Variants in UNC45B observed in about 807,000 individuals in gnomAD.
UNC45B encodes the protein protein unc-45 homolog B.
A neutral mutation model predicts 98.7 loss-of-function variants in UNC45B; 78 were observed. The observed-to-expected ratio is 0.79, with a 90% CI of 0.66 to 0.95. The LOEUF (loss-of-function observed/expected upper bound fraction) is 0.95, where lower values mean the gene tolerates loss of function less well. UNC45B is among the 40% of genes least tolerant of loss of function. UNC45B has a pLI of 0.00. For synonymous variants in UNC45B, 462 were observed against 480.4 expected (o/e 0.96, Z 0.50); for missense variants, 1,225 against 1,184.9 (o/e 1.03, Z -0.50).
In UNC45B at chr17:35,177,459, C is replaced by T. The variant is rs756693415; in HGVS notation, c.2140-36C>T. 8.7e-6 allele frequency: 13 copies of T among 1,498,712 alleles called. 1 individual carries two copies. The South Asian group carries it at 1.6e-4, about 18-fold the overall frequency. 92.8% of individuals were successfully genotyped at this position (1,498,712 alleles called of 1,614,324 possible). ...ATGTGAGGCACTCAGGGAACAAAGT[C>T]CTCACCTGACCAAACCCTTGACCCC... On this transcript the variant is annotated intron_variant, in intron 16 of 19. Transcript: ENST00000394570.
intron 14 of UNC45B, 45 bp downstream of exon 14, chr17:35,174,414 G>T: frequency 6.2e-7 from 1 of 1,611,548 alleles, no homozygotes; most frequent in Non-Finnish European, 8.5e-7. Flanking sequence ...GCTGGGGGCC[G>T]AGGGTCCTGG....
chr17:35,148,111 T>A, intron 1 of UNC45B, 153 bp from the exon 2 acceptor site: 2 of 776,600 alleles, frequency 2.6e-6, no homozygotes, highest in Non-Finnish European at 4.1e-6. Context: ...GGGCAATAGA[T>A]TTGGGGGTTC....
intron 18 of UNC45B, 137 bp downstream of exon 18, chr17:35,180,813 C>T: frequency 1.7e-6 from 1 of 595,054 alleles, no homozygotes; most frequent in South Asian, 2.2e-5. Context: ...CCAGGAATCC[C>T]TAAATATTTC....
rs1473500160 is a variant in UNC45B at position 35,155,474 on chromosome 17, A to T, written c.808+10A>T. On this transcript the variant is annotated intron_variant, in intron 7 of 19. Coordinates refer to ENST00000394570, the MANE Select transcript of UNC45B (RefSeq NM_001267052.2). ...GAGGCCCTGGTTCTAGGTAGGAAAC[A>T]TTCTTCAGTTTTGATTCAAGGGGAT... 1 of 1,613,172 alleles carries T rather than the reference A, an allele frequency of 6.2e-7. No individual in the cohort carries two copies. Among genetic ancestry groups the T allele is most frequent in the Non-Finnish European group, 8.5e-7 (1 of 1,179,434 alleles).
intron 19 of UNC45B, among the ~76,000 whole-genome samples, chr17:35,185,289 G>GT (rs966048658): frequency 2.3e-4 from 34 of 147,102 alleles, no homozygotes; most frequent in Admixed American, 1.4e-3. Context: ...TTGCATTGGT[G>GT]TTTTTTTTTA....
chr17:35,154,696 T>C lies in UNC45B; in HGVS notation c.594T>C (p.Ala198=). The C allele has an allele frequency of 6.2e-7, 1 of 1,611,472 alleles. No individual in the cohort carries two copies. The change falls in exon 6 of 20, where the codon GCT becomes GCC. Residue 198 remains alanine, a synonymous_variant. Transcript: ENST00000394570. ...CTAAGAAGCCTGAGCTGGTGCTGGC[T>C]GCAGTGCGGACCCTGTCGGGCATGT... The part of the protein sequence containing the change: ...LDTKKPELVL[A]AVRTLSGMCS...
At position 35,187,785 on chromosome 17, in the gene UNC45B, C is replaced by T. The variant is rs2092312733; in HGVS notation, c.*1226C>T. 6.6e-6 allele frequency: 1 copy of T among 152,238 alleles called. No homozygotes were observed. Among genetic ancestry groups the T allele is most frequent in the South Asian group, 2.1e-4 (1 of 4,838 alleles). 9.4% of individuals were successfully genotyped at this position (152,238 alleles called of 1,614,324 possible). On this transcript the variant is annotated 3_prime_UTR_variant, in exon 20 of 20. Transcript: ENST00000394570. ...AGTAATATGCTGTAGATCAGAACCT[C>T]TCTGCTAATATTGCCTTTTTAGCAT...
intron 5 of UNC45B, among the ~76,000 whole-genome samples, chr17:35,153,710 G>C (rs1429597782): frequency 6.7e-6 from 1 of 149,568 alleles, no homozygotes; most frequent in African/African-American, 2.5e-5. Context: ...TTGTTTATTT[G>C]GTTTTTTTTT....
At chr17:35,172,512 G>A (rs1293599312) in intron 13 of UNC45B, among the ~76,000 whole-genome samples, 2 of 152,208 alleles carry the variant, frequency 1.3e-5, no homozygotes, top group Admixed American at 1.3e-4. Context: ...GCCTCCTAAA[G>A]CGTTGGGAAT....
rs776529037 is a variant in UNC45B at position 35,159,341 on chromosome 17, C to T, written c.809-34C>T. The T allele has an allele frequency of 8.2e-6, 13 of 1,581,950 alleles. No individual in the cohort carries two copies. The South Asian group carries it at 1.5e-4, about 18-fold the overall frequency. On this transcript the variant is annotated intron_variant, in intron 7 of 19. Transcript: ENST00000394570. ...GTCATATATATGTGAGATTTCCTACCCCTCTCTACTTACCCCGTCCTCTTT... is the reference window on the plus strand; with the variant it reads ...GTCATATATATGTGAGATTTCCTACTCCTCTCTACTTACCCCGTCCTCTTT...
chr17:35,182,250 T>C (rs8072811), intron 18 of UNC45B, among the ~76,000 whole-genome samples: 61,555 of 151,764 alleles, frequency 0.41, 12,580 homozygotes, highest in Middle Eastern at 0.46. Flanking sequence ...CCACCACCCC[T>C]GGCTAATCTT....
chr17:35,148,431 G>C lies in UNC45B; in HGVS notation c.168G>C (p.Thr56=). The change falls in exon 2 of 20, where the codon ACG becomes ACC. Residue 56 remains threonine (T), a splice_region_variant and synonymous_variant. Coordinates refer to ENST00000394570, the MANE Select transcript of UNC45B (RefSeq NM_001267052.2). ...YRNRAACGLK[T]ESYVQAASDA... is the part of the protein sequence containing the mutation. ...ACCGGGCAGCCTGTGGCCTGAAAAC[G>C]GTCTGGGGCAGGGCAGGGCACAGGG... The C allele has an allele frequency of 6.2e-7, 1 of 1,613,498 alleles. No individual in the cohort carries two copies. Among genetic ancestry groups the C allele is most frequent in the Non-Finnish European group, 8.5e-7 (1 of 1,179,858 alleles).
intron 13 of UNC45B, among the ~76,000 whole-genome samples, chr17:35,173,132 T>TTC (rs2092200216): frequency 6.7e-6 from 1 of 149,898 alleles, no homozygotes; most frequent in Admixed American, 6.6e-5. Flanking sequence ...ATACTTTTTT[T>TTC]TTTTTTTTTT....
Position 35,169,928 on chromosome 17 carries a change from G to T in UNC45B, c.1544G>T (p.Arg515Leu), listed in dbSNP as rs148629409. ...ACAGAAAAACTGGCCAAACAGTGTC[G>T]CAAGTAAGGGGGCTGTGTTTCCCAG... ...GSTEKLAKQC[R>L]KWLCNMSIDT... is the part of the protein sequence containing the mutation. Residue 515 changes from arginine to leucine, a missense_variant, in exon 11 of 20, where the codon CGC (arginine) becomes CTC (leucine). Transcript: ENST00000394570. The T allele has an allele frequency of 1.6e-5, 26 of 1,614,112 alleles. No individual in the cohort carries two copies. In the African/African-American group the frequency reaches 2.7e-4, roughly 17 times the overall value.
intron 9 of UNC45B, 28 bp from the exon 10 acceptor site, chr17:35,168,033 T>C: frequency 7.0e-7 from 1 of 1,431,466 alleles, no homozygotes; most frequent in Non-Finnish European, 9.2e-7. Context: ...GGACCAGTTC[T>C]CTTGACCACC....
chr17:35,186,612 G>C lies in UNC45B; in HGVS notation c.*53G>C, dbSNP rs887677244. The C allele has an allele frequency of 2.1e-5, 34 of 1,587,466 alleles. No homozygotes were observed. The highest frequency in any genetic ancestry group is 2.8e-5 in the Non-Finnish European group (33 of 1,163,298). ...GGTCCTGTACTGTGCAGAGTCCTGG[G>C]TTGGTTGGGTTCTCCTGAAGAGTCA... On this transcript the variant is annotated 3_prime_UTR_variant, in exon 20 of 20. Transcript: ENST00000394570.
At chr17:35,166,085 C>CAAAAAAAA (rs1277152297) in intron 9 of UNC45B, among the ~76,000 whole-genome samples, 1 of 16,256 alleles carries the variant, frequency 6.2e-5, no homozygotes, top group Non-Finnish European at 1.0e-4. Flanking sequence ...ACCCTCATCT[C>CAAAAAAAA]TAAAAAAAAA....
At chr17:35,154,885 T>C (rs982671877) in intron 6 of UNC45B, 144 bp downstream of exon 6, 26 of 983,996 alleles carry the variant, frequency 2.6e-5, no homozygotes, top group Admixed American at 1.7e-4. Context: ...TCCCTTTCAG[T>C]TGGAAATGGG....
At chr17:35,185,151 T>A (rs923186746) in intron 19 of UNC45B, among the ~76,000 whole-genome samples, 7 of 152,166 alleles carry the variant, frequency 4.6e-5, no homozygotes, top group African/African-American at 1.7e-4. Flanking sequence ...TTGGGTTAGA[T>A]GCTCAAAAGC....
Sources: gnomAD v4.1 joint callset for allele counts (sites outside exome capture counted in the v4.1 genomes callset) on GRCh38, gnomAD v4.1.1 for gene constraint, MANE v1.5 for transcripts, NCBI Gene and HGNC (gene_info 2026-07-23, HGNC 2026-07-21) for gene names.